TMEM156: variants seen among roughly 807,000 people sequenced by gnomAD.
TMEM156 encodes the protein transmembrane protein 156.
TMEM156 carries 28 observed loss-of-function variants against 30.5 expected under a neutral mutation model. That is an observed-to-expected ratio of 0.92 (90% CI 0.68 to 1.26). The LOEUF is 1.26. Among genes scored for constraint, TMEM156 ranks in the 50% most tolerant of loss-of-function variants. The probability of loss-of-function intolerance (pLI) is 0.00; values close to 1 mark genes in which losing one functional copy is unlikely to be tolerated. For synonymous variants in TMEM156, 137 were observed against 119.9 expected, an observed-to-expected ratio of 1.14 and a Z score of -0.93; for missense variants, 351 against 340.6, an observed-to-expected ratio of 1.03 and a Z score of -0.24.
Position 39,032,277 on chromosome 4 carries a change from T to C in TMEM156, c.37A>G (p.Ile13Val). Reference protein sequence around the residue: ...KTALLKLFVAIVITFILILPE... With the variant: ...KTALLKLFVAVVITFILILPE... ...AAAATTAAAATGAATGTGATCACTA[T>C]TGCCACAAATAATTTAAGGAGGGCT... Residue 13 changes from isoleucine (I) to valine (V), a missense_variant, in exon 1 of 7, where the codon ATA becomes GTA. Coordinates refer to ENST00000381938, the MANE Select transcript of TMEM156 (RefSeq NM_024943.3). 6.2e-7 allele frequency: 1 copy of C among 1,609,304 alleles called. No homozygotes were observed. Among genetic ancestry groups the C allele is most frequent in the Non-Finnish European group, 8.5e-7 (1 of 1,176,874 alleles).
chr4:38,987,463 A>G (rs899200164), intron 4 of TMEM156, among the ~76,000 whole-genome samples: 5 of 152,266 alleles, frequency 3.3e-5, no homozygotes, highest in African/African-American at 1.2e-4. Context: ...CAATGATAAC[A>G]CTTGATATGA....
intron 3 of TMEM156, among the ~76,000 whole-genome samples, chr4:38,992,018 C>G: frequency 6.6e-6 from 1 of 152,166 alleles, no homozygotes; most frequent in Non-Finnish European, 1.5e-5. Context: ...AAAACTTAGT[C>G]ACAGGAGAAA....
intron 2 of TMEM156, 173 bp downstream of exon 2, chr4:38,998,467 C>G: frequency 2.5e-6 from 1 of 402,454 alleles, no homozygotes; most frequent in Non-Finnish European, 3.8e-6. Flanking sequence ...TTCCTTGAAC[C>G]TGGGAGGTGG....
chr4:38,975,054 C>T (rs570652912), intron 5 of TMEM156, among the ~76,000 whole-genome samples: 1 of 152,140 alleles, frequency 6.6e-6, no homozygotes, highest in East Asian at 1.9e-4. Context: ...ATTGAGGGCC[C>T]TTAGATGTCT....
chr4:38,972,060 A>T (rs1722622774), intron 5 of TMEM156, among the ~76,000 whole-genome samples: 1 of 151,942 alleles, frequency 6.6e-6, no homozygotes, highest in African/African-American at 2.4e-5. Context: ...AAGTGCTGGG[A>T]TTACAGGTGT....
intron 1 of TMEM156, among the ~76,000 whole-genome samples, chr4:39,001,385 T>TAAAAAAAAAAGAA (rs1165250300): frequency 8.0e-6 from 1 of 124,612 alleles, no homozygotes; most frequent in Non-Finnish European, 1.7e-5. Context: ...AGACTCCATC[T>TAAAAAAAAAAGAA]AAAAAAAAAA....
At chr4:38,988,794 A>C in intron 4 of TMEM156, 57 bp downstream of exon 4, 1 of 1,603,004 alleles carries the variant, frequency 6.2e-7, no homozygotes, top group Non-Finnish European at 8.5e-7. Context: ...ACTAAAAAGG[A>C]AATGAAATCC....
chr4:39,008,179 A>C (rs1713875272), intron 1 of TMEM156, among the ~76,000 whole-genome samples: 1 of 152,196 alleles, frequency 6.6e-6, no homozygotes, highest in African/African-American at 2.4e-5. Flanking sequence ...AAATTATGAG[A>C]GTGGGCATTC....
At chr4:38,982,895 G>A (rs1438973738) in intron 5 of TMEM156, among the ~76,000 whole-genome samples, 1 of 152,200 alleles carries the variant, frequency 6.6e-6, no homozygotes, top group East Asian at 1.9e-4. Context: ...TTATTTGGCA[G>A]TCCAGCATGT....
At chr4:38,982,223 G>A (rs7660400) in intron 5 of TMEM156, among the ~76,000 whole-genome samples, 73,231 of 151,930 alleles carry the variant, frequency 0.48, 18,205 homozygotes, top group African/African-American at 0.61. Context: ...TCGGATTCCA[G>A]TGTTCTTCAG....
At chr4:39,021,853 A>T (rs1055536777) in intron 1 of TMEM156, among the ~76,000 whole-genome samples, 10 of 152,134 alleles carry the variant, frequency 6.6e-5, no homozygotes, top group Non-Finnish European at 1.0e-4. Context: ...GTGCTTACTC[A>T]TACTTTTTGA....
chr4:38,984,343 C>CTGTGTGTGTG (rs1332380845), intron 5 of TMEM156, among the ~76,000 whole-genome samples: 1 of 107,110 alleles, frequency 9.3e-6, no homozygotes, highest in African/African-American at 5.0e-5. Context: ...GTCTCTCTCT[C>CTGTGTGTGTG]TCTCTCTGTG....
At chr4:39,030,791 T>C (rs567988832) in intron 1 of TMEM156, among the ~76,000 whole-genome samples, 63 of 152,288 alleles carry the variant, frequency 4.1e-4, no homozygotes, top group Admixed American at 3.7e-3. Flanking sequence ...AACTATTAAA[T>C]GAGCTTACTC....
intron 1 of TMEM156, among the ~76,000 whole-genome samples, chr4:39,019,143 G>T (rs1056190501): frequency 6.6e-6 from 1 of 151,582 alleles, no homozygotes; most frequent in African/African-American, 2.4e-5. Context: ...GTCTTTCAAT[G>T]ATTCTGTAAA....
chr4:38,986,540 G>C (rs1282301328), intron 4 of TMEM156, 121 bp from the exon 5 acceptor site: 4 of 710,876 alleles, frequency 5.6e-6, no homozygotes, highest in Non-Finnish European at 7.2e-6. Context: ...CAGGCACGGT[G>C]GTTCACGCCT....
At chr4:38,988,037 C>A (rs1239861254) in intron 4 of TMEM156, among the ~76,000 whole-genome samples, 1 of 152,092 alleles carries the variant, frequency 6.6e-6, no homozygotes, top group Non-Finnish European at 1.5e-5. Context: ...CAATGTCCAT[C>A]CTGATAGGTG....
intron 2 of TMEM156, among the ~76,000 whole-genome samples, chr4:38,994,826 C>A (rs1328012467): frequency 2.6e-5 from 4 of 151,906 alleles, no homozygotes; most frequent in Non-Finnish European, 5.9e-5. Context: ...TGTGTGCCTG[C>A]AGGTGTAGCT....
intron 1 of TMEM156, among the ~76,000 whole-genome samples, chr4:39,004,147 G>C (rs578154121): frequency 5.8e-4 from 89 of 152,242 alleles, no homozygotes; most frequent in Non-Finnish European, 1.1e-3. Context: ...TTTAACTGCT[G>C]CCATTAATAC....
intron 2 of TMEM156, among the ~76,000 whole-genome samples, chr4:38,994,754 C>T (rs1712802729): frequency 6.6e-6 from 1 of 152,224 alleles, no homozygotes; most frequent in Admixed American, 6.5e-5. Flanking sequence ...TCGAGACCAG[C>T]CTGGCCAACA....
Sources: gnomAD v4.1 joint callset for allele counts (sites outside exome capture counted in the v4.1 genomes callset) on GRCh38, gnomAD v4.1.1 for gene constraint, MANE v1.5 for transcripts, NCBI Gene and HGNC (gene_info 2026-07-23, HGNC 2026-07-21) for gene names.